The following CYP27C1 variants were observed in gnomAD, a reference collection of about 807,000 sequenced individuals.
The protein encoded by CYP27C1 is cytochrome P450 27C1.
Under a neutral mutation model 40.6 loss-of-function variants are expected in CYP27C1, and 29 were observed. The ratio of observed to expected loss-of-function variants is 0.71; its 90% CI spans 0.53 to 0.97. The LOEUF (loss-of-function observed/expected upper bound fraction) is 0.97. Ranked by LOEUF, CYP27C1 falls within the 50% of genes least tolerant of loss-of-function variation. The pLI, the probability that CYP27C1 is intolerant of heterozygous loss-of-function variation, is 0.00. For synonymous variants in CYP27C1, 198 were observed against 186.8 expected, an observed-to-expected ratio of 1.06 and a Z score of -0.49; for missense variants, 390 against 485.8, an observed-to-expected ratio of 0.80 and a Z score of 1.85.
chr2:127,214,455 G>A (rs1683389549), intron 1 of CYP27C1, among the ~76,000 whole-genome samples: 1 of 152,202 alleles, frequency 6.6e-6, no homozygotes, highest in Admixed American at 6.5e-5. Flanking sequence ...TAAAGAAAAT[G>A]TGGCACATAT....
At chr2:127,205,834 G>T (rs952332609) in intron 2 of CYP27C1, 66 bp downstream of exon 2, 55 of 851,496 alleles carry the variant, frequency 6.5e-5, no homozygotes, top group Non-Finnish European at 7.2e-5. Flanking sequence ...ACTCAGCTTT[G>T]GAGGAGGGGG....
intron 1 of CYP27C1, among the ~76,000 whole-genome samples, chr2:127,217,158 T>C (rs999628049): frequency 6.6e-6 from 1 of 152,190 alleles, no homozygotes; most frequent in East Asian, 1.9e-4. Flanking sequence ...ATGATACAGA[T>C]AGTTTTCATC....
Position 127,199,470 on chromosome 2 carries a change from C to T in CYP27C1, c.953G>A (p.Gly318Glu). 1.2e-6 allele frequency: 2 copies of T among 1,614,200 alleles called. No individual in the cohort carries two copies. Among genetic ancestry groups the T allele is most frequent in the African/African-American group, 1.3e-5 (1 of 75,058 alleles). The change falls in exon 5 of 9, where the codon GGG becomes GAG. Residue 318 changes from glycine to glutamate, a missense_variant. Gly to Glu is a moderately conservative substitution (Grantham distance 98, BLOSUM62 -2). Coordinates refer to ENST00000664447, the MANE Select transcript of CYP27C1 (RefSeq NM_001367502.1). ...AAGGAAGAGGTATGTGAGAAGTCCCCCGCTCACCCTCCGGCCTCGGTCCAT... is the reference window on the plus strand; with the variant it reads ...AAGGAAGAGGTATGTGAGAAGTCCCTCGCTCACCCTCCGGCCTCGGTCCAT... ...YQMDRGRRVS[G>E]GLLTYLFLSQ...
intron 4 of CYP27C1, among the ~76,000 whole-genome samples, chr2:127,199,876 T>C (rs1182252903): frequency 6.6e-6 from 1 of 152,240 alleles, no homozygotes; most frequent in Non-Finnish European, 1.5e-5. Flanking sequence ...TCTACCACAC[T>C]TTCAGAAGAG....
Position 127,195,633 on chromosome 2 carries a change from A to T in CYP27C1, c.1048-132T>A. On this transcript the variant is annotated intron_variant, in intron 5 of 8. Coordinates refer to ENST00000664447, the MANE Select transcript of CYP27C1 (RefSeq NM_001367502.1). The surrounding 1 kb of genome is among the most constrained non-coding windows in gnomAD (Gnocchi z 6.2). ...TCAAACTCATCCAATTCCATATAGC[A>T]CCTAATGTCTTACTAAAAACGAAAG... The T allele has an allele frequency of 1.3e-6, 1 of 764,822 alleles. No homozygotes were observed. The highest frequency in any genetic ancestry group is 2.2e-5 in the South Asian group (1 of 45,194). 47.4% of individuals were successfully genotyped at this position (764,822 alleles called of 1,614,324 possible). A position where few individuals can be genotyped will look rare whatever the true frequency, so the allele number is the denominator to read the frequency against.
In CYP27C1 at chr2:127,205,690, G is replaced by A. The variant is rs921382779; in HGVS notation, c.473+210C>T. ...GCCAGCGTCGCCCCTCCTGGCTCCT[G>A]ACGGGACAACTCTGCACGGAGGAGG... is the stretch of plus-strand genomic sequence containing the variant. On this transcript the variant is annotated intron_variant, in intron 2 of 8. Transcript: ENST00000664447. 5.1e-6 allele frequency: 5 copies of A among 985,420 alleles called. No individual in the cohort carries two copies. The African/African-American group carries it at 8.7e-5, about 17-fold the overall frequency. The allele number at this position is 985,420 out of a possible 1,614,324, so 61.0% of individuals were successfully genotyped here.
intron 1 of CYP27C1, among the ~76,000 whole-genome samples, chr2:127,211,682 G>A (rs1683342698): frequency 6.6e-6 from 1 of 152,004 alleles, no homozygotes. Context: ...ACTGCGCCCG[G>A]CCTAAAGCAG....
rs1682888788 is a variant in CYP27C1, at chr2:127,195,731, CTA to C, written c.1048-232_1048-231del. Among the ~76,000 whole-genome samples the C allele has an allele frequency of 6.6e-6, 1 of 152,166 alleles. No homozygotes were observed. Among genetic ancestry groups the C allele is most frequent in the Non-Finnish European group, 1.5e-5 (1 of 68,024 alleles). ...ACGTATTTGGCAAGTGACATTGACT[CTA>C]TGATTCATGTGCTCCTGTCATGAAG... On this transcript the variant is annotated intron_variant, in intron 5 of 8. Transcript: ENST00000664447. The surrounding 1 kb of genome is among the most constrained non-coding windows in gnomAD (Gnocchi z 6.2).
At chr2:127,193,760 C>G in intron 7 of CYP27C1, 29 bp downstream of exon 7, 2 of 1,613,212 alleles carry the variant, frequency 1.2e-6, no homozygotes, top group Non-Finnish European at 8.5e-7. Context: ...ACCCGCAAGG[C>G]CTGGCCACCC....
In CYP27C1 at chr2:127,208,260, C is replaced by T. The variant is rs565051810; in HGVS notation, c.283-2170G>A. Among the ~76,000 whole-genome samples the T allele has an allele frequency of 7.9e-5, 12 of 152,140 alleles. No individual in the cohort carries two copies. The highest frequency in any genetic ancestry group is 1.4e-4 in the African/African-American group (6 of 41,444). ...AAGGAAGAACAGTGTAGTGCAGTGG[C>T]CCACCTGGAAGCCACACGGGGAAGG... On this transcript the variant is annotated intron_variant, in intron 1 of 8. Transcript: ENST00000664447. The surrounding 1 kb of genome is among the most constrained non-coding windows in gnomAD (Gnocchi z 5.2).
Position 127,196,211 on chromosome 2 carries a change from C to T in CYP27C1, c.1048-710G>A, listed in dbSNP as rs1473476013. ...CCGAGTAGCTGGGACTACAGGCGCT[C>T]ACCACCACGCCCGGCTAATTTTTTG... On this transcript the variant is annotated intron_variant, in intron 5 of 8. Coordinates refer to ENST00000664447, the MANE Select transcript of CYP27C1 (RefSeq NM_001367502.1). This position sits in a 1 kb window ranked among gnomAD's most constrained non-coding sequence, Gnocchi z 4.5. 1.3e-5 allele frequency among the ~76,000 whole-genome samples: 2 copies of T among 151,624 alleles called. No individual in the cohort carries two copies. Among genetic ancestry groups the T allele is most frequent in the Non-Finnish European group, 2.9e-5 (2 of 67,950 alleles).
In CYP27C1 at chr2:127,212,698, A is replaced by G. The variant is rs996125004; in HGVS notation, c.283-6608T>C. On this transcript the variant is annotated intron_variant, in intron 1 of 8. Transcript: ENST00000664447. Reference sequence around the variant, plus strand: ...AATAAGAGCTATTTATGATAAACCCACAGCCAATATCATATTGAATGGACA... The same window carrying G: ...AATAAGAGCTATTTATGATAAACCCGCAGCCAATATCATATTGAATGGACA... Among the ~76,000 whole-genome samples the G allele has an allele frequency of 2.0e-5, 3 of 152,360 alleles. No homozygotes were observed. The East Asian group carries it at 5.8e-4, about 29-fold the overall frequency.
At chr2:127,211,814 T>C (rs1205028260) in intron 1 of CYP27C1, among the ~76,000 whole-genome samples, 4 of 151,808 alleles carry the variant, frequency 2.6e-5, no homozygotes, top group Non-Finnish European at 5.9e-5. Context: ...ATCCAAAAGC[T>C]AGCAGAAGAC....
In CYP27C1 at chr2:127,208,298, C is replaced by T. The variant is rs1218507202; in HGVS notation, c.283-2208G>A. On this transcript the variant is annotated intron_variant, in intron 1 of 8. Transcript: ENST00000664447. The surrounding 1 kb of genome is among the most constrained non-coding windows in gnomAD (Gnocchi z 5.2). ...CACACGGGGAAGGGAACCCACTCCC[C>T]CCAGCCAAGGGAGGTGGTGAGTGAG... Among the ~76,000 whole-genome samples the T allele has an allele frequency of 6.6e-6, 1 of 152,172 alleles. No individual in the cohort carries two copies. Among genetic ancestry groups the T allele is most frequent in the African/African-American group, 2.4e-5 (1 of 41,444 alleles).
chr2:127,207,755 A>G (rs1355743537), intron 1 of CYP27C1, among the ~76,000 whole-genome samples: 1 of 152,208 alleles, frequency 6.6e-6, no homozygotes, highest in East Asian at 1.9e-4. Flanking sequence ...AACATTGTCT[A>G]AAGAAATCTA....
At chr2:127,211,154 C>G (rs963237475) in intron 1 of CYP27C1, among the ~76,000 whole-genome samples, 7 of 152,138 alleles carry the variant, frequency 4.6e-5, no homozygotes, top group African/African-American at 1.2e-4. Context: ...TCATAACAAA[C>G]AGTCTCTCTG....
intron 8 of CYP27C1, among the ~76,000 whole-genome samples, chr2:127,192,597 A>G (rs1174005839): frequency 2.1e-5 from 3 of 142,950 alleles, no homozygotes; most frequent in Non-Finnish European, 4.5e-5. Context: ...GGAGACCAGC[A>G]AGAGCACCAC....
Position 127,187,124 on chromosome 2 carries a change from A to C in CYP27C1, c.*147T>G. 1 of 688,998 alleles carries C rather than the reference A, an allele frequency of 1.5e-6. No individual in the cohort carries two copies. The highest frequency in any genetic ancestry group is 2.6e-6 in the Non-Finnish European group (1 of 388,318). The allele number at this position is 688,998 out of a possible 1,614,324, so 42.7% of individuals were successfully genotyped here. ...TACATTACTTTGCATAAAGATTTAC[A>C]AGTGTCCCAGGACCTGGGAGGCCAG... On this transcript the variant is annotated 3_prime_UTR_variant, in exon 9 of 9. Coordinates refer to ENST00000664447, the MANE Select transcript of CYP27C1 (RefSeq NM_001367502.1).
rs1433345287 is a variant in CYP27C1 at position 127,209,691 on chromosome 2, AAC to A, written c.283-3603_283-3602del. On this transcript the variant is annotated intron_variant, in intron 1 of 8. Coordinates refer to ENST00000664447, the MANE Select transcript of CYP27C1 (RefSeq NM_001367502.1). This position sits in a 1 kb window ranked among gnomAD's most constrained non-coding sequence, Gnocchi z 4.1. ...CATAAATGACCAGATGGAGCTGAAA[AAC>A]ACAGTGTGAGAACTTCGTGAAGCAT... Among the ~76,000 whole-genome samples the A allele has an allele frequency of 1.3e-5, 2 of 152,258 alleles. No individual in the cohort carries two copies. Among genetic ancestry groups the A allele is most frequent in the Non-Finnish European group, 2.9e-5 (2 of 68,042 alleles).
Sources: gnomAD v4.1 joint callset for allele counts (sites outside exome capture counted in the v4.1 genomes callset) on GRCh38, gnomAD v4.1.1 for gene constraint, Gnocchi (gnomAD v3.1) non-coding constraint, MANE v1.5 for transcripts, NCBI Gene and HGNC (gene_info 2026-07-23, HGNC 2026-07-21) for gene names.